The following MAP2 variants were observed in gnomAD, a reference collection of about 807,000 sequenced individuals.
The protein encoded by MAP2 is microtubule-associated protein 2.
MAP2 carries 14 observed loss-of-function variants against 137.6 expected under a neutral mutation model. The observed-to-expected ratio is 0.10, with a 90% CI of 0.07 to 0.16. The LOEUF (loss-of-function observed/expected upper bound fraction) is 0.16. MAP2 is among the 10% of genes least tolerant of loss of function. The pLI, the probability that MAP2 is intolerant of heterozygous loss-of-function variation, is 1.00. For synonymous variants in MAP2, 786 were observed against 782.3 expected (o/e 1.00, Z -0.08); for missense variants, 2,088 against 2,191.5 (o/e 0.95, Z 0.94).
At chr2:209,495,104 G>T (rs75739569) in intron 1 of MAP2, among the ~76,000 whole-genome samples, 1 of 152,204 alleles carries the variant, frequency 6.6e-6, no homozygotes, top group Non-Finnish European at 1.5e-5. Flanking sequence ...GCACAGTGCC[G>T]TAAGCTGCTG....
chr2:209,445,112 A>G (rs530402429), intron 1 of MAP2, among the ~76,000 whole-genome samples: 10 of 151,750 alleles, frequency 6.6e-5, no homozygotes, highest in South Asian at 4.1e-4. Context: ...TTTAGAATCA[A>G]TTGTGATACC....
rs745533961 is a variant in MAP2 at position 209,694,646 on chromosome 2, G to A, written c.2476G>A (p.Ala826Thr). The A allele has an allele frequency of 3.1e-6, 5 of 1,614,016 alleles. No homozygotes were observed. In the African/African-American group the frequency reaches 6.7e-5, roughly 22 times the overall value. ...RSRLASVSAD[A>T]EVARRKSVPS... is the part of the protein sequence containing the mutation. Reference sequence around the variant, plus strand: ...AAGATTGGCTTCTGTGAGTGCAGATGCTGAGGTTGCCAGGAGGAAATCAGT... The same window carrying A: ...AAGATTGGCTTCTGTGAGTGCAGATACTGAGGTTGCCAGGAGGAAATCAGT... The change falls in exon 8 of 16, where the codon GCT (alanine) becomes ACT (threonine). Residue 826 changes from alanine (A) to threonine (T), a missense_variant. Ala to Thr is a moderately conservative substitution (Grantham distance 58, BLOSUM62 0). Around this residue, in one of 6 missense-constraint regions of MAP2, gnomAD observed 500 missense variants for 482.9 expected, o/e 1.04. Transcript: ENST00000682079.
chr2:209,489,138 C>T (rs2058764574), intron 1 of MAP2, among the ~76,000 whole-genome samples: 1 of 152,196 alleles, frequency 6.6e-6, no homozygotes, highest in Non-Finnish European at 1.5e-5. Flanking sequence ...TGATGATACC[C>T]AGGCAAAGAG....
intron 11 of MAP2, among the ~76,000 whole-genome samples, chr2:209,701,544 G>A (rs565345849): frequency 6.6e-6 from 1 of 152,072 alleles, no homozygotes; most frequent in Admixed American, 6.6e-5. Context: ...GCAAACACAT[G>A]TAATATGTAA....
chr2:209,522,562 T>C (rs2150410864), intron 2 of MAP2, among the ~76,000 whole-genome samples: 1 of 152,284 alleles, frequency 6.6e-6, no homozygotes, highest in African/African-American at 2.4e-5. Context: ...GTATTTCTGA[T>C]TGAGAGTTCA....
At chr2:209,516,469 G>A (rs1378999945) in intron 2 of MAP2, among the ~76,000 whole-genome samples, 1 of 152,020 alleles carries the variant, frequency 6.6e-6, no homozygotes, top group African/African-American at 2.4e-5. Context: ...ATCTTTAAGG[G>A]GTTTTAAGTC....
At chr2:209,703,865 A>G in intron 11 of MAP2, 1 of 384,012 alleles carries the variant, frequency 2.6e-6, no homozygotes, top group Admixed American at 2.9e-5. Context: ...AGTAAAGAAG[A>G]GCAAGTAATA....
At chr2:209,425,193 AT>A (rs1692215808) in intron 1 of MAP2, among the ~76,000 whole-genome samples, 1 of 152,148 alleles carries the variant, frequency 6.6e-6, no homozygotes, top group Admixed American at 6.5e-5. Context: ...GGACTTCAGG[AT>A]TTTTGTCAGA....
intron 1 of MAP2, among the ~76,000 whole-genome samples, chr2:209,453,486 A>C (rs1289784113): frequency 6.6e-6 from 1 of 152,192 alleles, no homozygotes; most frequent in African/African-American, 2.4e-5. Flanking sequence ...TTAATACATA[A>C]CAATGCAACA....
intron 5 of MAP2, among the ~76,000 whole-genome samples, chr2:209,676,563 G>A (rs1240056228): frequency 6.6e-6 from 1 of 151,336 alleles, no homozygotes; most frequent in Admixed American, 6.6e-5. Flanking sequence ...AATGACAGAA[G>A]AGAGTCCCTG....
intron 2 of MAP2, among the ~76,000 whole-genome samples, chr2:209,533,713 G>A (rs867179508): frequency 3.9e-5 from 6 of 152,180 alleles, no homozygotes; most frequent in Admixed American, 6.5e-5. Context: ...CAGATATACA[G>A]AATTGTCTCG....
At chr2:209,620,425 A>G (rs1580917552) in intron 3 of MAP2, among the ~76,000 whole-genome samples, 1 of 152,320 alleles carries the variant, frequency 6.6e-6, no homozygotes, top group East Asian at 1.9e-4. Context: ...TAATCCTTTC[A>G]AATTATATTT....
At chr2:209,428,815 A>G (rs1487928686) in intron 1 of MAP2, among the ~76,000 whole-genome samples, 2 of 151,704 alleles carry the variant, frequency 1.3e-5, no homozygotes, top group South Asian at 2.1e-4. Context: ...TTACTACCCT[A>G]TTTCTCCCGA....
intron 13 of MAP2, 69 bp downstream of exon 13, chr2:209,710,323 C>T: frequency 7.7e-7 from 1 of 1,305,266 alleles, no homozygotes; most frequent in Non-Finnish European, 1.1e-6. Flanking sequence ...ATATTGAAAA[C>T]TAACAGTTCT....
intron 1 of MAP2, among the ~76,000 whole-genome samples, chr2:209,497,842 A>G (rs925891444): frequency 1.3e-5 from 2 of 152,164 alleles, no homozygotes; most frequent in Admixed American, 6.5e-5. Flanking sequence ...CCCTCCTACT[A>G]GGCCCCACCT....
intron 2 of MAP2, among the ~76,000 whole-genome samples, chr2:209,529,894 C>G (rs1020738727): frequency 9.0e-6 from 1 of 111,274 alleles, no homozygotes; most frequent in Non-Finnish European, 1.9e-5. Context: ...TTCTTCTTCC[C>G]CACCCGCCCG....
At chr2:209,559,882 A>G (rs1010266197) in intron 2 of MAP2, among the ~76,000 whole-genome samples, 10 of 152,072 alleles carry the variant, frequency 6.6e-5, no homozygotes, top group Non-Finnish European at 8.8e-5. Flanking sequence ...ATAAACCAAG[A>G]CTGGGGTGTC....
intron 2 of MAP2, among the ~76,000 whole-genome samples, chr2:209,562,739 A>T (rs1257739261): frequency 2.0e-5 from 3 of 152,082 alleles, no homozygotes; most frequent in Admixed American, 1.3e-4. Flanking sequence ...CCAGTGAAGC[A>T]CCAGAAAAAC....
rs112741660 is a variant in MAP2 at position 209,720,943 on chromosome 2, AT to A, written c.5074-4753del. ...CCAGAGTTAAAACTATAACTCTTTG[AT>A]TTTTTTTTTTTTAAACTGATCTGGA... On this transcript the variant is annotated intron_variant, in intron 13 of 15. Coordinates refer to ENST00000682079, the MANE Select transcript of MAP2 (RefSeq NM_001375505.1). Among the ~76,000 whole-genome samples, 715 of 145,762 alleles carry A rather than the reference AT, an allele frequency of 4.9e-3. 5 individuals are homozygous for A. Among genetic ancestry groups the A allele is most frequent in the African/African-American group, 8.6e-3 (344 of 39,996 alleles).
Sources: allele counts gnomAD v4.1 joint callset (sites outside exome capture counted in the v4.1 genomes callset), GRCh38; gene constraint gnomAD v4.1.1; regional missense constraint gnomAD v4.1.1; transcripts MANE v1.5; gene names NCBI Gene and HGNC (gene_info 2026-07-23, HGNC 2026-07-21).